The following NOL9 variants were observed in gnomAD, a reference collection of about 807,000 sequenced individuals.
The protein encoded by NOL9 is nucleolar protein 9, also known as polynucleotide 5'-hydroxyl-kinase NOL9.
Under a neutral mutation model 67.9 loss-of-function variants are expected in NOL9, and 28 were observed. That is an observed-to-expected ratio of 0.41 (90% CI 0.31 to 0.57). The LOEUF (loss-of-function observed/expected upper bound fraction) is 0.57, where lower values mean the gene tolerates loss of function less well. NOL9 is among the 20% of genes least tolerant of loss of function. NOL9 has a pLI of 0.25. For synonymous variants in NOL9, 356 were observed against 352.2 expected (o/e 1.01, Z -0.12); for missense variants, 777 against 897.0 (o/e 0.87, Z 1.71).
Position 6,549,551 on chromosome 1 carries a change from T to C in NOL9, c.744+20A>G. On this transcript the variant is annotated intron_variant, in intron 3 of 11. Coordinates refer to ENST00000377705, the MANE Select transcript of NOL9 (RefSeq NM_024654.5). ...TTGGTGCAAGTAATTAGCAAAACTC[T>C]GAATGAAAACGGGTTCTACCTCTTG... The C allele has an allele frequency of 1.2e-6, 2 of 1,611,268 alleles. No individual in the cohort carries two copies. The highest frequency in any genetic ancestry group is 4.5e-5 in the East Asian group (2 of 44,844).
chr1:6,531,166 A>G (rs1639018656), intron 9 of NOL9, among the ~76,000 whole-genome samples: 1 of 152,180 alleles, frequency 6.6e-6, no homozygotes, highest in Non-Finnish European at 1.5e-5. Context: ...CCAAGTTGCA[A>G]ATACTCTGGT....
Position 6,532,652 on chromosome 1 carries a change from T to C in NOL9, c.1346A>G (p.Tyr449Cys), listed in dbSNP as rs1274015035. Reference sequence around the variant, plus strand: ...GTACAAGCCATCCATGTCATCTACATACTGCGGGGTAAGGTCTGGCATATA... The same window carrying C: ...GTACAAGCCATCCATGTCATCTACACACTGCGGGGTAAGGTCTGGCATATA... ...SKYMPDLTPQ[Y>C]VDDMDGLYTK... The change falls in exon 8 of 12, where the codon TAT becomes TGT. Residue 449 changes from tyrosine to cysteine, a missense_variant. Around this residue, in one of 2 missense-constraint regions of NOL9, gnomAD observed 413 missense variants for 552.6 expected, o/e 0.75. Transcript: ENST00000377705. 1 of 1,614,204 alleles carries C rather than the reference T, an allele frequency of 6.2e-7. No homozygotes were observed. Among genetic ancestry groups the C allele is most frequent in the South Asian group, 1.1e-5 (1 of 91,084 alleles).
intron 10 of NOL9, among the ~76,000 whole-genome samples, chr1:6,528,284 T>C (rs1638935917): frequency 6.6e-6 from 1 of 152,152 alleles, no homozygotes; most frequent in Non-Finnish European, 1.5e-5. Flanking sequence ...CAATTGCGCC[T>C]GGGTTCAGGT....
At chr1:6,526,440 A>C (rs1049488366) in intron 11 of NOL9, among the ~76,000 whole-genome samples, 11 of 152,166 alleles carry the variant, frequency 7.2e-5, no homozygotes, top group African/African-American at 2.4e-4. Flanking sequence ...TTGCTCCAAC[A>C]CAACCTACTC....
rs74859777 is a variant in NOL9 at position 6,549,405 on chromosome 1, C to T, written c.744+166G>A. On this transcript the variant is annotated intron_variant, in intron 3 of 11. Transcript: ENST00000377705. ...AGGAGGGGAGGATGAACATTTTTCA[C>T]GATACACCTTTCTATAATAGTTTCC... 1.2e-5 allele frequency: 8 copies of T among 690,430 alleles called. No individual in the cohort carries two copies. In the East Asian group the frequency reaches 1.2e-4, roughly 10 times the overall value. The allele number at this position is 690,430 out of a possible 1,614,324, so 42.8% of individuals were successfully genotyped here.
At chr1:6,544,746 A>C (rs1360957096) in intron 5 of NOL9, 80 bp downstream of exon 5, 5 of 1,429,906 alleles carry the variant, frequency 3.5e-6, no homozygotes. Flanking sequence ...GAAGCCAAGA[A>C]GCATTCCCTC....
Position 6,538,467 on chromosome 1 carries a change from T to C in NOL9, c.1075+3363A>G, listed in dbSNP as rs191782278. Among the ~76,000 whole-genome samples, 15 of 151,848 alleles carry C rather than the reference T, an allele frequency of 9.9e-5. No individual in the cohort carries two copies. In the East Asian group the frequency reaches 2.9e-3, roughly 29 times the overall value. ...CAGGTGGATCACCTGAGGTCAGGAG[T>C]TCGAGACCAGCCTGGCCAACATGGT... On this transcript the variant is annotated intron_variant, in intron 6 of 11. Coordinates refer to ENST00000377705, the MANE Select transcript of NOL9 (RefSeq NM_024654.5).
chr1:6,553,613 G>A (rs187739314), intron 1 of NOL9, among the ~76,000 whole-genome samples: 79 of 151,864 alleles, frequency 5.2e-4, no homozygotes, highest in African/African-American at 1.8e-3. Context: ...AGGCCGAGGC[G>A]GGTGGATCAC....
Position 6,523,989 on chromosome 1 carries a change from A to C in NOL9, c.*1865T>G, listed in dbSNP as rs556962804. On this transcript the variant is annotated 3_prime_UTR_variant, in exon 12 of 12. Coordinates refer to ENST00000377705, the MANE Select transcript of NOL9 (RefSeq NM_024654.5). ...AGTGAGTATAACTGTAAGATACACG[A>C]AAGTGGAGAAAGGCAAAACATTGAT... 6.6e-6 allele frequency: 1 copy of C among 152,238 alleles called. No individual in the cohort carries two copies. The highest frequency in any genetic ancestry group is 1.5e-5 in the Non-Finnish European group (1 of 68,042). The allele number at this position is 152,238 out of a possible 1,614,324, so 9.4% of individuals were successfully genotyped here.
chr1:6,544,009 C>G (rs571472260), intron 5 of NOL9, among the ~76,000 whole-genome samples: 3 of 152,048 alleles, frequency 2.0e-5, no homozygotes, highest in Non-Finnish European at 4.4e-5. Context: ...GCCTGTAATC[C>G]CAGCTACTCG....
At chr1:6,550,124 C>T (rs148896095) in intron 2 of NOL9, among the ~76,000 whole-genome samples, 1,571 of 152,226 alleles carry the variant, frequency 0.01, 18 homozygotes, top group Middle Eastern at 0.065. Flanking sequence ...CTCCGCCTCC[C>T]GGGTTCAAGC....
Position 6,550,550 on chromosome 1 carries a change from A to G in NOL9, c.462T>C (p.Phe154=). 6.2e-7 allele frequency: 1 copy of G among 1,614,132 alleles called. No homozygotes were observed. Among genetic ancestry groups the G allele is most frequent in the Non-Finnish European group, 8.5e-7 (1 of 1,180,014 alleles). ...CLYGQVQVFG[F]TISQGQPAQD... ...GGGCAGGCTGGCCTTGGCTGATGGT[A>G]AAACCAAATACCTGCACCTGGCCAT... Residue 154 remains phenylalanine (F), a synonymous_variant, in exon 2 of 12, where the codon TTT becomes TTC. Transcript: ENST00000377705.
In NOL9 at chr1:6,530,346, C is replaced by T. The variant is rs1019199174; in HGVS notation, c.1648-1175G>A. Among the ~76,000 whole-genome samples the T allele has an allele frequency of 5.3e-5, 8 of 151,670 alleles. No homozygotes were observed. In the South Asian group the frequency reaches 8.3e-4, roughly 16 times the overall value. ...GCACGTGCCTGTAATCCCAGCTACT[C>T]GGGAGGCTGACGCAGGAGAATCGCT... On this transcript the variant is annotated intron_variant, in intron 9 of 11. Coordinates refer to ENST00000377705, the MANE Select transcript of NOL9 (RefSeq NM_024654.5).
intron 7 of NOL9, 48 bp from the exon 8 acceptor site, chr1:6,532,808 C>T (rs111454440): frequency 1.4e-5 from 21 of 1,512,206 alleles, no homozygotes; most frequent in African/African-American, 9.7e-5. Context: ...AGAACAGTGA[C>T]GCGCTCAAGA....
At chr1:6,528,664 G>A (rs1256237200) in intron 10 of NOL9, among the ~76,000 whole-genome samples, 1 of 152,220 alleles carries the variant, frequency 6.6e-6, no homozygotes, top group African/African-American at 2.4e-5. Flanking sequence ...ACGAACAGCT[G>A]TGTTGGAGGA....
rs779954159 is a variant in NOL9 at position 6,525,810 on chromosome 1, G to A, written c.*44C>T. ...CTCTTGTGGTCAGGCTTGAGACAAA[G>A]CTTTCTGGTAGGAAAGTTTCTTCCC... On this transcript the variant is annotated 3_prime_UTR_variant, in exon 12 of 12. Transcript: ENST00000377705. 1 of 1,609,542 alleles carries A rather than the reference G, an allele frequency of 6.2e-7. No homozygotes were observed. Among genetic ancestry groups the A allele is most frequent in the South Asian group, 1.1e-5 (1 of 90,930 alleles).
intron 6 of NOL9, among the ~76,000 whole-genome samples, chr1:6,536,505 C>G (rs1016339329): frequency 6.6e-6 from 1 of 152,172 alleles, no homozygotes; most frequent in Admixed American, 6.5e-5. Flanking sequence ...GTACTCCAGC[C>G]TCAGTGACAG....
In NOL9 at chr1:6,532,891, G is replaced by T; in HGVS notation, c.1238-131C>A. On this transcript the variant is annotated intron_variant, in intron 7 of 11. Transcript: ENST00000377705. Reference sequence around the variant, plus strand: ...AGAAACCATCAATACGTTGGACTTCGGCTGGGCACAGTGGCTCATGTTTGT... The same window carrying T: ...AGAAACCATCAATACGTTGGACTTCTGCTGGGCACAGTGGCTCATGTTTGT... 5.4e-6 allele frequency: 5 copies of T among 919,466 alleles called. No individual in the cohort carries two copies. In the South Asian group the frequency reaches 9.1e-5, roughly 17 times the overall value. 57.0% of individuals were successfully genotyped at this position (919,466 alleles called of 1,614,324 possible). A position where few individuals can be genotyped will look rare whatever the true frequency, so the allele number is the denominator to read the frequency against.
rs538643911 is a variant in NOL9 at position 6,525,432 on chromosome 1, G to A, written c.*422C>T. 4.5e-5 allele frequency: 9 copies of A among 198,668 alleles called. No homozygotes were observed. In the East Asian group the frequency reaches 1.1e-3, roughly 25 times the overall value. The allele number at this position is 198,668 out of a possible 1,614,324, so 12.3% of individuals were successfully genotyped here. A position where few individuals can be genotyped will look rare whatever the true frequency, so the allele number is the denominator to read the frequency against. ...CCAGCTCTGCACATGGCTCAGGCAA[G>A]GCCCGTGGCGAGCCCTTGTATCCAT... On this transcript the variant is annotated 3_prime_UTR_variant, in exon 12 of 12. Transcript: ENST00000377705.
Sources: gnomAD v4.1 joint callset for allele counts (sites outside exome capture counted in the v4.1 genomes callset) on GRCh38, gnomAD v4.1.1 for gene constraint, gnomAD v4.1.1 regional missense constraint, MANE v1.5 for transcripts, NCBI Gene and HGNC (gene_info 2026-07-23, HGNC 2026-07-21) for gene names.